Variants in ECT2L observed in about 807,000 individuals in gnomAD.
The protein encoded by ECT2L is epithelial cell transforming 2 like.
ECT2L carries 126 observed loss-of-function variants against 122.8 expected under a neutral mutation model. The observed-to-expected ratio is 1.03, with a 90% confidence interval of 0.89 to 1.19. ECT2L has a LOEUF of 1.19. ECT2L is among the 50% of genes most tolerant of loss of function. The probability of loss-of-function intolerance (pLI) is 0.00; values close to 1 mark genes in which losing one functional copy is unlikely to be tolerated. For missense variants in ECT2L, 1,012 were observed against 1,064.1 expected, an observed-to-expected ratio of 0.95 and a Z score of 0.68; for synonymous variants, 385 against 381.8, an observed-to-expected ratio of 1.01 and a Z score of -0.10.
intron 15 of ECT2L, among the ~76,000 whole-genome samples, chr6:138,882,309 T>G (rs1250572121): frequency 6.6e-6 from 1 of 152,050 alleles, no homozygotes; most frequent in East Asian, 1.9e-4. Flanking sequence ...GATGGATGAA[T>G]GAGGGATTTT....
intron 10 of ECT2L, among the ~76,000 whole-genome samples, chr6:138,862,426 G>T (rs1204150397): frequency 6.6e-6 from 1 of 152,110 alleles, no homozygotes; most frequent in African/African-American, 2.4e-5. Flanking sequence ...TGAACTCAGA[G>T]TGAGAACTCA....
chr6:138,887,315 C>T (rs1174669116), intron 19 of ECT2L, among the ~76,000 whole-genome samples: 1 of 151,972 alleles, frequency 6.6e-6, no homozygotes, highest in Non-Finnish European at 1.5e-5. Flanking sequence ...CAAGCTCCAC[C>T]TCCCGGGTTC....
At chr6:138,873,653 G>T (rs1407539563) in intron 13 of ECT2L, among the ~76,000 whole-genome samples, 1 of 152,098 alleles carries the variant, frequency 6.6e-6, no homozygotes, top group African/African-American at 2.4e-5. Context: ...AATTAGCTGG[G>T]CCTGGTGGTG....
intron 12 of ECT2L, among the ~76,000 whole-genome samples, chr6:138,866,587 A>G (rs1778047702): frequency 6.6e-6 from 1 of 152,144 alleles, no homozygotes; most frequent in African/African-American, 2.4e-5. Flanking sequence ...GGGTTTCACC[A>G]TGTTGGCCAG....
At chr6:138,868,349 C>T (rs1394967866) in intron 13 of ECT2L, 143 bp downstream of exon 13, 1 of 623,378 alleles carries the variant, frequency 1.6e-6, no homozygotes, top group Non-Finnish European at 2.7e-6. Context: ...ATAAAAATAG[C>T]CACTAAGAGA....
rs760810091 is a variant in ECT2L at position 138,902,617 on chromosome 6, T to C, written c.2705T>C (p.Met902Thr). The C allele has an allele frequency of 6.2e-7, 1 of 1,613,742 alleles. No homozygotes were observed. The change falls in exon 22 of 22, where the codon ATG becomes ACG. Residue 902 changes from methionine (M) to threonine (T), a missense_variant. Transcript: ENST00000541398. The stretch of plus-strand genomic sequence containing the variant: ...CTTCGAAATGCAATCAAAAGCAGTA[T>C]GGAGAAGTGAGACCGAACTTGAAAA... ...SVLRNAIKSSMEK is the reference protein window; with the variant it reads ...SVLRNAIKSSTEK
chr6:138,864,452 T>C (rs1490391171), intron 11 of ECT2L, among the ~76,000 whole-genome samples: 1 of 152,232 alleles, frequency 6.6e-6, no homozygotes. Flanking sequence ...CATCCAGTAA[T>C]TGTTTTTTAA....
chr6:138,840,221 G>A (rs1776990052), intron 5 of ECT2L, among the ~76,000 whole-genome samples: 1 of 152,068 alleles, frequency 6.6e-6, no homozygotes, highest in African/African-American at 2.4e-5. Context: ...GGAAGAGGAG[G>A]GGTTGGTCTT....
intron 20 of ECT2L, among the ~76,000 whole-genome samples, chr6:138,896,091 A>AGTTGTT (rs1255944186): frequency 1.4e-5 from 2 of 141,886 alleles, no homozygotes; most frequent in Admixed American, 6.8e-5. Context: ...TTCATTGCTG[A>AGTTGTT]ATTTTTTTTT....
intron 1 of ECT2L, among the ~76,000 whole-genome samples, chr6:138,811,334 G>T (rs1285478763): frequency 6.6e-6 from 1 of 152,230 alleles, no homozygotes; most frequent in African/African-American, 2.4e-5. Flanking sequence ...TGAATGAGCT[G>T]CAGGGCCTTC....
At chr6:138,868,742 C>G (rs779330451) in intron 13 of ECT2L, among the ~76,000 whole-genome samples, 4 of 152,170 alleles carry the variant, frequency 2.6e-5, no homozygotes, top group Non-Finnish European at 5.9e-5. Context: ...ATCCAAGGTT[C>G]TCTCTCATTA....
chr6:138,882,937 CG>C, intron 16 of ECT2L, 66 bp downstream of exon 16: 1 of 1,536,162 alleles, frequency 6.5e-7, no homozygotes, highest in Non-Finnish European at 8.9e-7. Flanking sequence ...GTGTGGAACC[CG>C]AAAGACCAGC....
chr6:138,827,048 T>C (rs2128381325), intron 4 of ECT2L, among the ~76,000 whole-genome samples: 1 of 152,216 alleles, frequency 6.6e-6, no homozygotes, highest in South Asian at 2.1e-4. Context: ...CCTCTCCTCT[T>C]TATAAACTAC....
At chr6:138,850,659 C>G (rs1023288516) in intron 9 of ECT2L, among the ~76,000 whole-genome samples, 1 of 152,092 alleles carries the variant, frequency 6.6e-6, no homozygotes, top group African/African-American at 2.4e-5. Context: ...TGGATATATA[C>G]CCAGAAATGG....
chr6:138,859,063 T>C (rs10872497), intron 10 of ECT2L, among the ~76,000 whole-genome samples: 45,728 of 152,004 alleles, frequency 0.3, 7,377 homozygotes, highest in Admixed American at 0.39. Flanking sequence ...GCAGGTCATC[T>C]TTGTGCAGAG....
intron 4 of ECT2L, among the ~76,000 whole-genome samples, chr6:138,833,818 A>T (rs574816492): frequency 5.5e-5 from 6 of 108,286 alleles, no homozygotes; most frequent in East Asian, 5.5e-4. Context: ...AAATAAATAA[A>T]TAATTAAAAA....
intron 4 of ECT2L, chr6:138,822,733 C>G (rs545294829): frequency 1.3e-6 from 2 of 1,585,688 alleles, no homozygotes; most frequent in South Asian, 2.3e-5. Flanking sequence ...GCATTTCCAT[C>G]TGAGATTGGA....
intron 5 of ECT2L, among the ~76,000 whole-genome samples, chr6:138,838,940 C>T (rs1404775278): frequency 6.6e-6 from 1 of 152,154 alleles, no homozygotes; most frequent in East Asian, 1.9e-4. Context: ...TGCCACCACG[C>T]CCAGCTAATT....
intron 4 of ECT2L, among the ~76,000 whole-genome samples, chr6:138,829,631 T>A (rs1343196342): frequency 6.6e-6 from 1 of 152,260 alleles, no homozygotes; most frequent in Non-Finnish European, 1.5e-5. Flanking sequence ...ATATCATTAC[T>A]GAAATCAGTT....
Sources: gnomAD v4.1 joint callset for allele counts (sites outside exome capture counted in the v4.1 genomes callset) on GRCh38, gnomAD v4.1.1 for gene constraint, MANE v1.5 for transcripts, NCBI Gene and HGNC (gene_info 2026-07-23, HGNC 2026-07-21) for gene names.